The following COG5 variants were observed in gnomAD, a reference collection of about 807,000 sequenced individuals.
The protein encoded by COG5 is component of oligomeric golgi complex 5.
Under a neutral mutation model 110.4 loss-of-function variants are expected in COG5, and 86 were observed. That is an observed-to-expected ratio of 0.78 (90% CI 0.65 to 0.93). COG5 has a LOEUF of 0.93. Among genes scored for constraint, COG5 ranks in the 40% least tolerant of loss-of-function variants. The pLI is 0.00. For synonymous variants in COG5, 360 were observed against 334.6 expected, an observed-to-expected ratio of 1.08 and a Z score of -0.83; for missense variants, 1,077 against 987.0, an observed-to-expected ratio of 1.09 and a Z score of -1.22.
At position 107,334,847 on chromosome 7, in the gene COG5, A is replaced by G. The variant is rs79922983; in HGVS notation, c.1027-10326T>C. Among the ~76,000 whole-genome samples the G allele has an allele frequency of 4.8e-3, 731 of 152,300 alleles. 8 individuals are homozygous for G. Among genetic ancestry groups the G allele is most frequent in the African/African-American group, 0.016 (664 of 41,576 alleles). ...TGAAGGTATAAAACCCACCGTTAAA[A>G]TTAAGTACGCAAACAAAACCAGAAT... On this transcript the variant is annotated intron_variant, in intron 10 of 21. Coordinates refer to ENST00000297135, the MANE Select transcript of COG5 (RefSeq NM_006348.5).
At chr7:107,511,664 G>A (rs1410079663) in intron 6 of COG5, among the ~76,000 whole-genome samples, 8 of 152,134 alleles carry the variant, frequency 5.3e-5, no homozygotes, top group African/African-American at 1.7e-4. Flanking sequence ...CTGGCAAACC[G>A]AATCCAGCAG....
intron 6 of COG5, among the ~76,000 whole-genome samples, chr7:107,427,045 G>T (rs1272078424): frequency 6.6e-6 from 1 of 152,148 alleles, no homozygotes; most frequent in Non-Finnish European, 1.5e-5. Flanking sequence ...TGGGTTTCGA[G>T]GTTTGCACGA....
At chr7:107,528,826 T>C (rs2129158187) in intron 5 of COG5, among the ~76,000 whole-genome samples, 1 of 152,204 alleles carries the variant, frequency 6.6e-6, no homozygotes, top group Admixed American at 6.5e-5. Flanking sequence ...CATTCTTTTA[T>C]GGGTGAAATA....
At chr7:107,324,055 G>A (rs1809542263) in intron 11 of COG5, among the ~76,000 whole-genome samples, 1 of 152,030 alleles carries the variant, frequency 6.6e-6, no homozygotes, top group Admixed American at 6.6e-5. Context: ...TAAAAAATTT[G>A]CAAAGCCTCT....
At chr7:107,242,404 A>G (rs934245604) in intron 17 of COG5, among the ~76,000 whole-genome samples, 1 of 152,204 alleles carries the variant, frequency 6.6e-6, no homozygotes, top group African/African-American at 2.4e-5. Flanking sequence ...ATACTGCAGC[A>G]GCCCTATGGC....
At chr7:107,414,703 C>CTTTTTTTTTTTTTTTTTTTTTTTT (rs530323655) in intron 6 of COG5, among the ~76,000 whole-genome samples, 1 of 61,678 alleles carries the variant, frequency 1.6e-5, no homozygotes, top group Non-Finnish European at 3.8e-5. Context: ...CTCACTGTCC[C>CTTTTTTTTTTTTTTTTTTTTTTTT]TTTTTTTTTT....
rs183109504 is a variant in COG5 at position 107,367,198 on chromosome 7, G to T, written c.836-4778C>A. Among the ~76,000 whole-genome samples, 421 of 152,020 alleles carry T rather than the reference G, an allele frequency of 2.8e-3. 1 individual carries two copies. The highest frequency in any genetic ancestry group is 0.014 in the Middle Eastern group (4 of 294). On this transcript the variant is annotated intron_variant, in intron 8 of 21. Transcript: ENST00000297135. Reference sequence around the variant, plus strand: ...AAAGTGTAAATAAAAATTTATACCTGGCCAAATCATTTAAGCATAAAAGCA... The same window carrying T: ...AAAGTGTAAATAAAAATTTATACCTTGCCAAATCATTTAAGCATAAAAGCA...
intron 10 of COG5, among the ~76,000 whole-genome samples, chr7:107,355,293 T>C (rs962891681): frequency 4.6e-5 from 7 of 152,166 alleles, no homozygotes; most frequent in Admixed American, 2.0e-4. Flanking sequence ...GGAACAAAAG[T>C]AACTCTCTTT....
intron 2 of COG5, among the ~76,000 whole-genome samples, chr7:107,556,283 G>A (rs1803311989): frequency 6.6e-6 from 1 of 152,136 alleles, no homozygotes; most frequent in Admixed American, 6.5e-5. Context: ...CTCTCTGTAT[G>A]AAGTGTCTTT....
chr7:107,361,671 C>G (rs1231034076), intron 10 of COG5, among the ~76,000 whole-genome samples: 1 of 152,170 alleles, frequency 6.6e-6, no homozygotes, highest in African/African-American at 2.4e-5. Flanking sequence ...AAGCAATTCT[C>G]CTGCCTCAGC....
chr7:107,335,087 A>T (rs978449674), intron 10 of COG5, among the ~76,000 whole-genome samples: 21 of 152,234 alleles, frequency 1.4e-4, no homozygotes, highest in Non-Finnish European at 1.3e-4. Flanking sequence ...AAAAAGTCAG[A>T]ATGTAGGAGA....
chr7:107,465,236 A>G (rs1288554325), intron 6 of COG5, among the ~76,000 whole-genome samples: 1 of 152,168 alleles, frequency 6.6e-6, no homozygotes, highest in African/African-American at 2.4e-5. Context: ...ATTCACACAA[A>G]AAACTCCCAA....
chr7:107,432,328 C>A (rs996073436), intron 6 of COG5, among the ~76,000 whole-genome samples: 11 of 152,102 alleles, frequency 7.2e-5, no homozygotes, highest in Non-Finnish European at 1.5e-4. Context: ...AGAGGTCAGA[C>A]AAAACATTGC....
intron 3 of COG5, among the ~76,000 whole-genome samples, chr7:107,552,045 T>C (rs1423073320): frequency 3.3e-5 from 5 of 152,354 alleles, no homozygotes; most frequent in African/African-American, 1.2e-4. Flanking sequence ...TCTAGCAGTG[T>C]ATTTCAAATA....
rs531185740 is a variant in COG5 at position 107,455,820 on chromosome 7, T to TCTCACTCCATCCACCTAGGCTGGAGTGC, written c.539-43216_539-43189dup. Among the ~76,000 whole-genome samples, 713 of 152,100 alleles carry TCTCACTCCATCCACCTAGGCTGGAGTGC rather than the reference T, an allele frequency of 4.7e-3. 4 individuals carry two copies. The highest frequency in any genetic ancestry group is 7.2e-3 in the Non-Finnish European group (489 of 67,996). On this transcript the variant is annotated intron_variant, in intron 6 of 21. Transcript: ENST00000297135. ...TTGTTTGTTTGTTTTTGAGACAGAG[T>TCTCACTCCATCCACCTAGGCTGGAGTGC]CTCACTCCATCCACCTAGGCTGGAG...
At chr7:107,347,549 C>T (rs1321419415) in intron 10 of COG5, among the ~76,000 whole-genome samples, 13 of 152,024 alleles carry the variant, frequency 8.6e-5, no homozygotes, top group Admixed American at 8.5e-4. Context: ...AACAATAATA[C>T]ATTATATAGT....
rs6956507 is a variant in COG5, at chr7:107,323,922, T to C, written c.1108+518A>G. 1.2e-3 allele frequency among the ~76,000 whole-genome samples: 179 copies of C among 152,298 alleles called. 2 individuals carry two copies. The highest frequency in any genetic ancestry group is 4.1e-3 in the African/African-American group (170 of 41,562). On this transcript the variant is annotated intron_variant, in intron 11 of 21. Transcript: ENST00000297135. ...ATATTTCATTGTATAGATCTACCAG[T>C]CCATTATTTCATGATATAAAGAAAT...
chr7:107,332,437 C>T (rs1395708605), intron 10 of COG5, among the ~76,000 whole-genome samples: 1 of 152,106 alleles, frequency 6.6e-6, no homozygotes, highest in African/African-American at 2.4e-5. Context: ...ATTCACTGTC[C>T]TATACTTGGG....
intron 3 of COG5, among the ~76,000 whole-genome samples, chr7:107,550,143 C>T (rs113382602): frequency 2.1e-3 from 318 of 152,170 alleles, no homozygotes; most frequent in African/African-American, 7.3e-3. Context: ...ATCATCTATC[C>T]AATTTTTGAG....
Sources: gnomAD v4.1 joint callset for allele counts (sites outside exome capture counted in the v4.1 genomes callset) on GRCh38, gnomAD v4.1.1 for gene constraint, MANE v1.5 for transcripts, NCBI Gene and HGNC (gene_info 2026-07-23, HGNC 2026-07-21) for gene names.